PPM1H: variants seen among roughly 807,000 people sequenced by gnomAD.
PPM1H encodes protein phosphatase, Mg2+/Mn2+ dependent 1H, also known as protein phosphatase 1H.
In PPM1H, 27 loss-of-function variants were observed where a neutral mutation model predicts 54.9. The ratio of observed to expected loss-of-function variants is 0.49; its 90% confidence interval spans 0.36 to 0.68. The LOEUF (loss-of-function observed/expected upper bound fraction) is 0.68. Among genes scored for constraint, PPM1H ranks in the 30% least tolerant of loss-of-function variants. The pLI is 0.00. For missense variants in PPM1H, 596 were observed against 667.8 expected, an observed-to-expected ratio of 0.89 and a Z score of 1.19; for synonymous variants, 305 against 270.8, an observed-to-expected ratio of 1.13 and a Z score of -1.24.
intron 4 of PPM1H, among the ~76,000 whole-genome samples, chr12:62,742,617 G>A (rs772309602): frequency 4.6e-5 from 7 of 152,208 alleles, no homozygotes; most frequent in Non-Finnish European, 7.3e-5. Context: ...ATTATTTTAT[G>A]AGATGCTTTT....
In PPM1H at chr12:62,934,942, C is replaced by A; in HGVS notation, c.-206G>T. On this transcript the variant is annotated 5_prime_UTR_variant, in exon 1 of 10. Coordinates refer to ENST00000228705, the MANE Select transcript of PPM1H (RefSeq NM_020700.2). This position sits in a 1 kb window ranked among gnomAD's most constrained non-coding sequence, Gnocchi z 4.2. ...CTTAGTGCCGCGGTGGCCGCCGCCT[C>A]CCCCCGCTACACTTCCGCAACGGAG... The A allele has an allele frequency of 3.1e-6, 1 of 321,160 alleles. No homozygotes were observed. Among genetic ancestry groups the A allele is most frequent in the Non-Finnish European group, 5.3e-6 (1 of 188,140 alleles). The allele number at this position is 321,160 out of a possible 1,614,324, so 19.9% of individuals were successfully genotyped here. A position where few individuals can be genotyped will look rare whatever the true frequency, so the allele number is the denominator to read the frequency against.
chr12:62,695,658 TAGA>T (rs1029133740), intron 6 of PPM1H, among the ~76,000 whole-genome samples: 1 of 152,138 alleles, frequency 6.6e-6, no homozygotes, highest in African/African-American at 2.4e-5. Context: ...AAGCTATTAT[TAGA>T]AGAATTTGGG....
intron 1 of PPM1H, among the ~76,000 whole-genome samples, chr12:62,869,613 A>G (rs530522769): frequency 5.3e-5 from 8 of 152,260 alleles, no homozygotes; most frequent in African/African-American, 1.9e-4. Flanking sequence ...CTCTCTGTGG[A>G]TATTCTAACT....
At chr12:62,654,394 C>T (rs963877031) in intron 9 of PPM1H, among the ~76,000 whole-genome samples, 3 of 152,104 alleles carry the variant, frequency 2.0e-5, no homozygotes, top group Non-Finnish European at 2.9e-5. Flanking sequence ...AATGAGCATG[C>T]GTACTTCAGT....
chr12:62,822,082 C>CA (rs202147046), intron 2 of PPM1H, among the ~76,000 whole-genome samples: 16,259 of 149,138 alleles, frequency 0.11, 950 homozygotes, highest in South Asian at 0.19. Context: ...AAATGGAAAG[C>CA]AAAAAAAAAG....
At chr12:62,814,956 T>A (rs925682497) in intron 2 of PPM1H, among the ~76,000 whole-genome samples, 1 of 152,234 alleles carries the variant, frequency 6.6e-6, no homozygotes, top group Non-Finnish European at 1.5e-5. Context: ...AAGATGATAA[T>A]GCACAGTCCA....
chr12:62,694,412 C>T (rs955373426), intron 6 of PPM1H, among the ~76,000 whole-genome samples: 1 of 152,136 alleles, frequency 6.6e-6, no homozygotes, highest in African/African-American at 2.4e-5. Flanking sequence ...GTTGTTTATA[C>T]CAAAACAGCC....
chr12:62,663,478 T>G (rs887653447), intron 9 of PPM1H, among the ~76,000 whole-genome samples: 1 of 152,154 alleles, frequency 6.6e-6, no homozygotes, highest in Non-Finnish European at 1.5e-5. Flanking sequence ...TGACCCACCA[T>G]GCCAGCCAAA....
intron 5 of PPM1H, among the ~76,000 whole-genome samples, chr12:62,731,739 T>G (rs1346605339): frequency 6.6e-6 from 1 of 152,162 alleles, no homozygotes; most frequent in Non-Finnish European, 1.5e-5. Flanking sequence ...CAGAAGTATG[T>G]TATTTGAAGA....
At chr12:62,668,217 A>T (rs4763025) in intron 8 of PPM1H, among the ~76,000 whole-genome samples, 40,937 of 151,956 alleles carry the variant, frequency 0.27, 5,753 homozygotes, top group Admixed American at 0.36. Context: ...TCAATGTGGG[A>T]GGGGAGGGAT....
intron 9 of PPM1H, among the ~76,000 whole-genome samples, chr12:62,655,847 GTTT>G (rs1280846305): frequency 6.6e-6 from 1 of 152,222 alleles, no homozygotes; most frequent in Non-Finnish European, 1.5e-5. Flanking sequence ...CAGGAGACAT[GTTT>G]TGAATTTTGA....
chr12:62,807,096 C>T (rs917400925), intron 2 of PPM1H, among the ~76,000 whole-genome samples: 125 of 152,176 alleles, frequency 8.2e-4, no homozygotes, highest in Non-Finnish European at 1.5e-4. Context: ...GCATGATGCA[C>T]GAGCATAGAC....
intron 2 of PPM1H, among the ~76,000 whole-genome samples, chr12:62,821,462 C>T (rs937380307): frequency 6.6e-6 from 1 of 152,080 alleles, no homozygotes. Flanking sequence ...CCCCAAGACA[C>T]ATTAATTGTC....
At chr12:62,874,281 T>A (rs1870087613) in intron 1 of PPM1H, among the ~76,000 whole-genome samples, 2 of 152,256 alleles carry the variant, frequency 1.3e-5, no homozygotes, top group South Asian at 4.1e-4. Flanking sequence ...CAGGCAAGGC[T>A]GGCACAGAAG....
rs192107768 is a variant in PPM1H at position 62,818,269 on chromosome 12, C to T, written c.411+13845G>A. ...GTACCCTCCTCCTCTTATCTCATTC[C>T]TGGAATGACTAAATATTTGGGAACT... is the stretch of plus-strand genomic sequence containing the variant. On this transcript the variant is annotated intron_variant, in intron 2 of 9. Transcript: ENST00000228705. Among the ~76,000 whole-genome samples the T allele has an allele frequency of 5.4e-4, 82 of 152,190 alleles. 1 individual carries two copies. The East Asian group carries it at 0.012, about 22-fold the overall frequency.
chr12:62,850,984 T>C (rs1869163095), intron 1 of PPM1H: 2 of 152,204 alleles, frequency 1.3e-5, no homozygotes, highest in African/African-American at 4.8e-5. Flanking sequence ...AAGAAAAACC[T>C]TGTAATGTTA....
intron 7 of PPM1H, among the ~76,000 whole-genome samples, chr12:62,690,294 T>C (rs1426266301): frequency 1.3e-5 from 2 of 152,202 alleles, no homozygotes; most frequent in East Asian, 1.9e-4. Context: ...TCCTGTGATA[T>C]GTACTAGTAA....
At position 62,728,476 on chromosome 12, in the gene PPM1H, T is replaced by C. The variant is rs188661081; in HGVS notation, c.955-8187A>G. Among the ~76,000 whole-genome samples, 245 of 152,190 alleles carry C rather than the reference T, an allele frequency of 1.6e-3. 3 individuals are homozygous for C. The highest frequency in any genetic ancestry group is 5.5e-3 in the African/African-American group (228 of 41,514). ...AAAGGAAGAGAAGGGAGATGAGCAT[T>C]GCACTGTGGAAAAATACAACAACTC... On this transcript the variant is annotated intron_variant, in intron 5 of 9. Coordinates refer to ENST00000228705, the MANE Select transcript of PPM1H (RefSeq NM_020700.2).
intron 4 of PPM1H, chr12:62,756,115 C>A: frequency 2.2e-6 from 2 of 889,620 alleles, no homozygotes; most frequent in Non-Finnish European, 3.7e-6. Flanking sequence ...ACCTTTGATG[C>A]TGGGGATGGC....
Sources: allele counts gnomAD v4.1 joint callset (sites outside exome capture counted in the v4.1 genomes callset), GRCh38; gene constraint gnomAD v4.1.1; non-coding constraint Gnocchi (gnomAD v3.1); transcripts MANE v1.5; gene names NCBI Gene and HGNC (gene_info 2026-07-23, HGNC 2026-07-21).